MGAT4C: variants seen among roughly 807,000 people sequenced by gnomAD.
The protein encoded by MGAT4C is MGAT4 family member C, also known as alpha-1,3-mannosyl-glycoprotein 4-beta-N-acetylglucosaminyltransferase C.
Under a neutral mutation model 40.1 loss-of-function variants are expected in MGAT4C, and 19 were observed. The observed-to-expected ratio is 0.47, with a 90% confidence interval of 0.33 to 0.70. The LOEUF (loss-of-function observed/expected upper bound fraction) is 0.70. Ranked by LOEUF, MGAT4C falls within the 30% of genes least tolerant of loss-of-function variation. The pLI is 0.02. For missense variants in MGAT4C, 491 were observed against 563.2 expected (o/e 0.87, Z 1.30); for synonymous variants, 181 against 187.1 (o/e 0.97, Z 0.27).
At position 85,974,361 on chromosome 12, in the gene MGAT4C, C is replaced by T. The variant is rs1883801027; in HGVS notation, c.*4928G>A. On this transcript the variant is annotated 3_prime_UTR_variant, in exon 5 of 5. Coordinates refer to ENST00000611864, the MANE Select transcript of MGAT4C (RefSeq NM_001351288.2). ...CCAAGAATAAGTGGAGGTGTAAAGG[C>T]TAAAAAATAATGCAAATGGTGCATA... 6.6e-6 allele frequency: 1 copy of T among 150,484 alleles called. No individual in the cohort carries two copies. The highest frequency in any genetic ancestry group is 6.6e-5 in the Admixed American group (1 of 15,056). The allele number at this position is 150,484 out of a possible 1,614,324, so 9.3% of individuals were successfully genotyped here.
intron 4 of MGAT4C, among the ~76,000 whole-genome samples, chr12:86,290,051 CT>C (rs34809462): frequency 0.014 from 2,050 of 145,726 alleles, 49 homozygotes; most frequent in African/African-American, 0.046. Flanking sequence ...ATCTAAATCA[CT>C]TTTTTTTTTT....
chr12:86,507,978 A>C (rs1192745218), intron 2 of MGAT4C, among the ~76,000 whole-genome samples: 2 of 152,052 alleles, frequency 1.3e-5, no homozygotes, highest in African/African-American at 4.8e-5. Flanking sequence ...ATTACAATGG[A>C]TTTGTAGACT....
At chr12:85,991,976 T>A (rs1355923556) in intron 2 of MGAT4C, among the ~76,000 whole-genome samples, 1 of 152,146 alleles carries the variant, frequency 6.6e-6, no homozygotes, top group African/African-American at 2.4e-5. Context: ...TGGCCCTACC[T>A]TTTCAAAGGG....
In MGAT4C at chr12:86,263,830, A is replaced by G. The variant is rs546867542; in HGVS notation, c.-57+70235T>C. Among the ~76,000 whole-genome samples the G allele has an allele frequency of 5.9e-5, 9 of 152,300 alleles. No individual in the cohort carries two copies. The South Asian group carries it at 1.9e-3, about 32-fold the overall frequency. On this transcript the variant is annotated intron_variant, in intron 4 of 7. Coordinates refer to the MGAT4C transcript ENST00000548651. ...GTTCCCTTTTCTCTAAATTCTCACTAAAATCTGGTATTTTTTGTCTTTCTA... is the reference window on the plus strand; with the variant it reads ...GTTCCCTTTTCTCTAAATTCTCACTGAAATCTGGTATTTTTTGTCTTTCTA...
chr12:86,566,588 ATATG>A (rs1312230954), intron 2 of MGAT4C, among the ~76,000 whole-genome samples: 7 of 123,376 alleles, frequency 5.7e-5, no homozygotes, highest in African/African-American at 1.7e-4. Context: ...ATATGTATAT[ATATG>A]TATTATATGT....
At chr12:86,254,274 A>G (rs1356268295) in intron 1 of MGAT4C, among the ~76,000 whole-genome samples, 1 of 152,020 alleles carries the variant, frequency 6.6e-6, no homozygotes, top group African/African-American at 2.4e-5. Flanking sequence ...TAGGTAGCTC[A>G]TATCTCGTGT....
chr12:86,226,118 G>GA (rs200150643), intron 1 of MGAT4C, among the ~76,000 whole-genome samples: 146 of 145,272 alleles, frequency 1.0e-3, no homozygotes, highest in Middle Eastern at 3.4e-3. Context: ...ATATCAACAT[G>GA]AAAAAAAAAA....
In MGAT4C at chr12:86,466,717, G is replaced by T. The variant is rs896350789; in HGVS notation, c.-228-31452C>A. ...GAGTTACTATGATGCATTAACGTAGGCTTGTCAGTTTTAACAAATGAAACA... is the reference window on the plus strand; with the variant it reads ...GAGTTACTATGATGCATTAACGTAGTCTTGTCAGTTTTAACAAATGAAACA... On this transcript the variant is annotated intron_variant, in intron 2 of 7. Coordinates refer to the MGAT4C transcript ENST00000548651. 3.3e-5 allele frequency among the ~76,000 whole-genome samples: 5 copies of T among 152,140 alleles called. No individual in the cohort carries two copies. In the East Asian group the frequency reaches 9.6e-4, roughly 29 times the overall value.
intron 1 of MGAT4C, among the ~76,000 whole-genome samples, chr12:86,223,569 C>T (rs1269251227): frequency 6.6e-6 from 1 of 152,162 alleles, no homozygotes; most frequent in Non-Finnish European, 1.5e-5. Context: ...GGTGTACCCA[C>T]ACCTGATTAC....
chr12:86,041,842 T>C (rs577138052), intron 2 of MGAT4C, among the ~76,000 whole-genome samples: 14 of 152,256 alleles, frequency 9.2e-5, no homozygotes, highest in African/African-American at 3.1e-4. Context: ...GTCCATTTGG[T>C]TGAGTTCAGG....
At chr12:86,301,973 A>C (rs1023160099) in intron 4 of MGAT4C, among the ~76,000 whole-genome samples, 1 of 141,328 alleles carries the variant, frequency 7.1e-6, no homozygotes, top group South Asian at 2.1e-4. Flanking sequence ...GACTTCCTAA[A>C]GAGAAATTTA....
At chr12:86,036,642 G>A (rs1022914952) in intron 2 of MGAT4C, among the ~76,000 whole-genome samples, 2 of 149,934 alleles carry the variant, frequency 1.3e-5, no homozygotes, top group Admixed American at 6.7e-5. Flanking sequence ...ACCCCAGCAC[G>A]AAGCCAACTT....
intron 2 of MGAT4C, among the ~76,000 whole-genome samples, chr12:86,640,408 T>C (rs1292494592): frequency 3.3e-5 from 5 of 151,850 alleles, no homozygotes; most frequent in African/African-American, 1.2e-4. Context: ...TATTTCAACC[T>C]GTCCATAAGT....
chr12:86,512,170 A>G (rs1361375943), intron 2 of MGAT4C, among the ~76,000 whole-genome samples: 1 of 152,140 alleles, frequency 6.6e-6, no homozygotes, highest in Non-Finnish European at 1.5e-5. Context: ...ATAAAAAGAT[A>G]CTTAACATCA....
intron 2 of MGAT4C, among the ~76,000 whole-genome samples, chr12:86,498,225 T>C (rs538949154): frequency 2.0e-5 from 3 of 151,622 alleles, no homozygotes; most frequent in East Asian, 3.9e-4. Context: ...TCCCTGATTA[T>C]GGCAATTGTC....
At chr12:86,054,526 T>C (rs1397256361) in intron 1 of MGAT4C, among the ~76,000 whole-genome samples, 2 of 152,030 alleles carry the variant, frequency 1.3e-5, no homozygotes, top group African/African-American at 4.8e-5. Context: ...TCAGTGACTA[T>C]AGTTAATAAC....
intron 1 of MGAT4C, among the ~76,000 whole-genome samples, chr12:86,729,208 G>A (rs1329153069): frequency 6.6e-6 from 1 of 152,096 alleles, no homozygotes. Context: ...ATAAGTAGAA[G>A]AGTATCATTG....
At position 86,803,503 on chromosome 12, in the gene MGAT4C, C is replaced by T. The variant is rs1256470157; in HGVS notation, c.-262+35163G>A. 7.2e-5 allele frequency among the ~76,000 whole-genome samples: 11 copies of T among 152,086 alleles called. No homozygotes were observed. The East Asian group carries it at 1.4e-3, about 19-fold the overall frequency. On this transcript the variant is annotated intron_variant, in intron 1 of 7. Coordinates refer to the MGAT4C transcript ENST00000548651. ...AACCTACAACATGGAAGAAAATTTT[C>T]CCAACCTACTCATCTGACAAAGGGC...
At chr12:86,585,735 A>AT (rs953725529) in intron 2 of MGAT4C, among the ~76,000 whole-genome samples, 21 of 144,402 alleles carry the variant, frequency 1.5e-4, no homozygotes, top group Admixed American at 6.9e-4. Context: ...ATTTTTTTTA[A>AT]TTTTTTTTTT....
Sources: allele counts gnomAD v4.1 joint callset (sites outside exome capture counted in the v4.1 genomes callset), GRCh38; gene constraint gnomAD v4.1.1; transcripts MANE v1.5; gene names NCBI Gene and HGNC (gene_info 2026-07-23, HGNC 2026-07-21).